Variants in OTOF observed in about 807,000 individuals in gnomAD.
OTOF encodes fer-1-like family member 2.
In OTOF, 218 loss-of-function variants were observed where a neutral mutation model predicts 236.8. The observed-to-expected ratio is 0.92, with a 90% CI of 0.82 to 1.03. The LOEUF is 1.03. Among genes scored for constraint, OTOF ranks in the 50% least tolerant of loss-of-function variants. The probability of loss-of-function intolerance (pLI) is 0.00; values close to 1 mark genes in which losing one functional copy is unlikely to be tolerated. For synonymous variants in OTOF, 1,041 were observed against 1,072.5 expected (o/e 0.97, Z 0.57); for missense variants, 2,590 against 2,694.4 (o/e 0.96, Z 0.86).
intron 8 of OTOF, among the ~76,000 whole-genome samples, chr2:26,496,929 A>T (rs1232847536): frequency 6.6e-6 from 1 of 152,054 alleles, no homozygotes; most frequent in African/African-American, 2.4e-5. Context: ...AATGTGAGTG[A>T]CCCCAACAGA....
Position 26,556,801 on chromosome 2 carries a change from C to T in OTOF, c.79+1692G>A, listed in dbSNP as rs546213303. On this transcript the variant is annotated intron_variant, in intron 1 of 46. Coordinates refer to ENST00000272371, the MANE Select transcript of OTOF (RefSeq NM_194248.3). ...TTCTCGGCCTGCAAGTGGGCCTGTC[C>T]GGTGCAGCCTGGACCGTTCCAGCAC... Among the ~76,000 whole-genome samples, 15 of 152,314 alleles carry T rather than the reference C, an allele frequency of 9.8e-5. No individual in the cohort carries two copies. In the South Asian group the frequency reaches 1.2e-3, roughly 13 times the overall value.
In OTOF at chr2:26,462,182, C is replaced by T. The variant is rs111033373; in HGVS notation, c.5193-1G>A. 6.2e-7 allele frequency: 1 copy of T among 1,613,896 alleles called. No homozygotes were observed. On this transcript the variant is annotated splice_acceptor_variant, in intron 41 of 46. Coordinates refer to ENST00000272371, the MANE Select transcript of OTOF (RefSeq NM_194248.3). LOFTEE classifies it high-confidence loss of function. This position sits in a 1 kb window ranked among gnomAD's most constrained non-coding sequence, Gnocchi z 4.7. ...CCAGATGATGACCCGCAGCTCGTACCTGGGCCCAGGGAGAGAAGGCTGGTT... is the reference window on the plus strand; with the variant it reads ...CCAGATGATGACCCGCAGCTCGTACTTGGGCCCAGGGAGAGAAGGCTGGTT...
chr2:26,488,824 G>T (rs925764366), intron 11 of OTOF, among the ~76,000 whole-genome samples: 12 of 152,370 alleles, frequency 7.9e-5, no homozygotes, highest in African/African-American at 2.9e-4. Flanking sequence ...GGAGGCAGGA[G>T]TCTGGGCGCA....
intron 5 of OTOF, among the ~76,000 whole-genome samples, chr2:26,510,229 A>G (rs1185213012): frequency 1.3e-5 from 2 of 151,346 alleles, no homozygotes; most frequent in East Asian, 1.9e-4. Flanking sequence ...GGGGTCTCCA[A>G]CTCCACCCAC....
rs769722286 is a variant in OTOF at position 26,503,762 on chromosome 2, C to T, written c.583+10G>A. ...GCGGGGCTGCGGGGCTCACGCGGCA[C>T]CTGTCCTACCTGGTCTTTGGGGCTC... On this transcript the variant is annotated intron_variant, in intron 6 of 46. Transcript: ENST00000272371. 7 of 1,612,536 alleles carry T rather than the reference C, an allele frequency of 4.3e-6. No individual in the cohort carries two copies. The highest frequency in any genetic ancestry group is 1.1e-5 in the South Asian group (1 of 91,052).
chr2:26,489,791 C>T, intron 9 of OTOF, 51 bp from the exon 10 acceptor site: 1 of 1,437,458 alleles, frequency 7.0e-7, no homozygotes, highest in Non-Finnish European at 9.8e-7. Context: ...GCAGCAACAG[C>T]CCAGGCAGTG....
At chr2:26,506,704 A>T (rs753677813) in intron 5 of OTOF, among the ~76,000 whole-genome samples, 1 of 152,178 alleles carries the variant, frequency 6.6e-6, no homozygotes, top group Non-Finnish European at 1.5e-5. Flanking sequence ...GCTTTAAAAA[A>T]CTATACTTGT....
At position 26,475,989 on chromosome 2, in the gene OTOF, G is replaced by C; in HGVS notation, c.2916C>G (p.Leu972=). The C allele has an allele frequency of 1.9e-6, 3 of 1,612,680 alleles. No individual in the cohort carries two copies. The highest frequency in any genetic ancestry group is 2.7e-5 in the African/African-American group (2 of 75,040). The stretch of plus-strand genomic sequence containing the variant: ...AGAGTCCGCTGCTGTCGGCGGCAAA[G>C]AGGCTGCGGGCCTGGTACATGTGCG... ...LRAHMYQARS[L]FAADSSGLSD... Residue 972 remains leucine, a synonymous_variant, in exon 24 of 47, where the codon CTC becomes CTG. Coordinates refer to ENST00000272371, the MANE Select transcript of OTOF (RefSeq NM_194248.3).
Position 26,462,672 on chromosome 2 carries a change from C to T in OTOF, c.5193-491G>A, listed in dbSNP as rs1017872406. On this transcript the variant is annotated intron_variant, in intron 41 of 46. Transcript: ENST00000272371. This position sits in a 1 kb window ranked among gnomAD's most constrained non-coding sequence, Gnocchi z 4.7. ...CAGAGTGGCCCAGTGAGTTGGGTGCCCCCTAATGACAGGCCCTGGAACAGC... is the reference window on the plus strand; with the variant it reads ...CAGAGTGGCCCAGTGAGTTGGGTGCTCCCTAATGACAGGCCCTGGAACAGC... Among the ~76,000 whole-genome samples, 7 of 152,182 alleles carry T rather than the reference C, an allele frequency of 4.6e-5. No homozygotes were observed. Among genetic ancestry groups the T allele is most frequent in the African/African-American group, 7.2e-5 (3 of 41,430 alleles).
chr2:26,520,444 G>A (rs1217928657), intron 3 of OTOF, among the ~76,000 whole-genome samples: 2 of 152,204 alleles, frequency 1.3e-5, no homozygotes, highest in Non-Finnish European at 2.9e-5. Context: ...TCTGTGTGAG[G>A]GGAGGAAGTG....
chr2:26,477,335 C>T lies in OTOF; in HGVS notation c.2407-47G>A, dbSNP rs961116714. The T allele has an allele frequency of 1.1e-5, 18 of 1,594,462 alleles. No homozygotes were observed. Among genetic ancestry groups the T allele is most frequent in the African/African-American group, 6.7e-5 (5 of 74,552 alleles). On this transcript the variant is annotated intron_variant, in intron 20 of 46. Coordinates refer to ENST00000272371, the MANE Select transcript of OTOF (RefSeq NM_194248.3). This position sits in a 1 kb window ranked among gnomAD's most constrained non-coding sequence, Gnocchi z 4.7. ...TGAACCCAGCAACTGGGGGACAGCT[C>T]GGGCCATGACAAAGGGGGTTGTGAC...
At chr2:26,556,403 C>T (rs528178596) in intron 1 of OTOF, among the ~76,000 whole-genome samples, 9 of 152,276 alleles carry the variant, frequency 5.9e-5, no homozygotes, top group East Asian at 1.9e-4. Flanking sequence ...AGGCATCTTT[C>T]GTTGTAATAA....
At chr2:26,503,228 A>T (rs974088124) in intron 6 of OTOF, among the ~76,000 whole-genome samples, 1 of 152,146 alleles carries the variant, frequency 6.6e-6, no homozygotes, top group African/African-American at 2.4e-5. Context: ...GTCTTCCTCC[A>T]GGCCTCCCGC....
chr2:26,503,388 C>G (rs1666168295), intron 6 of OTOF, among the ~76,000 whole-genome samples: 1 of 152,222 alleles, frequency 6.6e-6, no homozygotes, highest in South Asian at 2.1e-4. Flanking sequence ...CTGGTGAGAG[C>G]GCTTGGGCGA....
intron 11 of OTOF, among the ~76,000 whole-genome samples, chr2:26,488,406 G>A (rs567833091): frequency 7.2e-5 from 11 of 152,160 alleles, no homozygotes; most frequent in Non-Finnish European, 1.3e-4. Flanking sequence ...ACCTGCCCAC[G>A]TGGTGAGCTG....
chr2:26,498,866 A>C (rs1274303413), intron 8 of OTOF, among the ~76,000 whole-genome samples: 1 of 152,084 alleles, frequency 6.6e-6, no homozygotes, highest in East Asian at 1.9e-4. Flanking sequence ...CCACTTTTCC[A>C]GGTGGCAGAG....
chr2:26,516,123 C>G (rs1024712250), intron 5 of OTOF, among the ~76,000 whole-genome samples: 1 of 152,216 alleles, frequency 6.6e-6, no homozygotes. Flanking sequence ...CTGAGAAAGG[C>G]AGGAGATCTA....
rs1397310407 is a variant in OTOF at position 26,475,501 on chromosome 2, A to G, written c.2992-8T>C. The stretch of plus-strand genomic sequence containing the variant: ...CAGGGTCTCATTCAGCACCTGCAGC[A>G]TGGGATGGGGAGACAGGGGACAAGT... On this transcript the variant is annotated splice_polypyrimidine_tract_variant and splice_region_variant and intron_variant, in intron 24 of 46. Coordinates refer to ENST00000272371, the MANE Select transcript of OTOF (RefSeq NM_194248.3). 1 of 1,611,930 alleles carries G rather than the reference A, an allele frequency of 6.2e-7. No homozygotes were observed. The highest frequency in any genetic ancestry group is 1.3e-5 in the African/African-American group (1 of 74,750).
At chr2:26,527,489 T>C (rs1239286571) in intron 3 of OTOF, among the ~76,000 whole-genome samples, 2 of 152,116 alleles carry the variant, frequency 1.3e-5, no homozygotes, top group African/African-American at 4.8e-5. Context: ...CTTTCGCCTC[T>C]CCAGTGGGTA....
Sources: gnomAD v4.1 joint callset for allele counts (sites outside exome capture counted in the v4.1 genomes callset) on GRCh38, gnomAD v4.1.1 for gene constraint, Gnocchi (gnomAD v3.1) non-coding constraint, MANE v1.5 for transcripts, NCBI Gene and HGNC (gene_info 2026-07-23, HGNC 2026-07-21) for gene names.